The following ST6GALNAC2 variants were observed in gnomAD, a reference collection of about 807,000 sequenced individuals.
ST6GALNAC2 encodes the protein alpha-N-acetylgalactosaminide alpha-2,6-sialyltransferase 2.
ST6GALNAC2 carries 42 observed loss-of-function variants against 38.7 expected under a neutral mutation model. The ratio of observed to expected loss-of-function variants is 1.09; its 90% CI spans 0.85 to 1.40. The LOEUF (loss-of-function observed/expected upper bound fraction) is 1.40, where lower values mean the gene tolerates loss of function less well. Among genes scored for constraint, ST6GALNAC2 ranks in the 40% most tolerant of loss-of-function variants. ST6GALNAC2 has a pLI of 0.00. For missense variants in ST6GALNAC2, 506 were observed against 481.7 expected, an observed-to-expected ratio of 1.05 and a Z score of -0.47; for synonymous variants, 233 against 209.0, an observed-to-expected ratio of 1.11 and a Z score of -0.99.
chr17:76,567,500 T>C lies in ST6GALNAC2; in HGVS notation c.910A>G (p.Ser304Gly), dbSNP rs2075299325. Residue 304 changes from serine (S) to glycine (G), a missense_variant, in exon 8 of 9, where the codon AGT becomes GGT. Transcript: ENST00000225276. ...NTHFGDLYMP[S>G]TGALMLLTAL... ...GTCAGCAGCATGAGAGCCCCGGTAC[T>C]AGGCATATATAGGTCTCCAAAATGT... 6.2e-7 allele frequency: 1 copy of C among 1,613,882 alleles called. No individual in the cohort carries two copies. Among genetic ancestry groups the C allele is most frequent in the African/African-American group, 1.3e-5 (1 of 74,920 alleles).
intron 8 of ST6GALNAC2, 91 bp downstream of exon 8, chr17:76,567,362 A>G: frequency 1.1e-6 from 1 of 916,256 alleles, no homozygotes; most frequent in South Asian, 1.4e-5. Flanking sequence ...CAAGAGTCCC[A>G]GCTCCGAGGT....
At chr17:76,568,404 T>C (rs923678467) in intron 7 of ST6GALNAC2, 20 of 409,666 alleles carry the variant, frequency 4.9e-5, no homozygotes, top group Admixed American at 2.8e-4. Context: ...GCCCTGCTGC[T>C]GACGGCGCCA....
intron 1 of ST6GALNAC2, among the ~76,000 whole-genome samples, chr17:76,581,723 C>T (rs1482643803): frequency 6.6e-6 from 1 of 152,162 alleles, no homozygotes; most frequent in Non-Finnish European, 1.5e-5. Flanking sequence ...GTGCCTGGGA[C>T]ACCTGGGAGG....
At position 76,573,283 on chromosome 17, in the gene ST6GALNAC2, A is replaced by C; in HGVS notation, c.442T>G (p.Cys148Gly). The change falls in exon 4 of 9, where the codon TGT becomes GGT. Residue 148 changes from cysteine to glycine, a missense_variant. Cys to Gly is a radical substitution (Grantham distance 159, BLOSUM62 -3). Coordinates refer to ENST00000225276, the MANE Select transcript of ST6GALNAC2 (RefSeq NM_006456.3). The surrounding 1 kb of genome is among the most constrained non-coding windows in gnomAD (Gnocchi z 5.1). ...FAPPRDTPPKCIRCAVVGNGG... is the reference protein window; with the variant it reads ...FAPPRDTPPKGIRCAVVGNGG... Reference sequence around the variant, plus strand: ...TTGCCCACCACGGCACACCGGATACACTTTGGAGGGGTGTCCCTGGGCGGG... The same window carrying C: ...TTGCCCACCACGGCACACCGGATACCCTTTGGAGGGGTGTCCCTGGGCGGG... 1 of 1,609,494 alleles carries C rather than the reference A, an allele frequency of 6.2e-7. No homozygotes were observed. Among genetic ancestry groups the C allele is most frequent in the Non-Finnish European group, 8.5e-7 (1 of 1,177,958 alleles).
At chr17:76,582,974 T>A (rs562422954) in intron 1 of ST6GALNAC2, among the ~76,000 whole-genome samples, 4 of 152,314 alleles carry the variant, frequency 2.6e-5, no homozygotes, top group East Asian at 3.9e-4. Flanking sequence ...AGAGGAAAGA[T>A]CTTTTTTTTA....
intron 1 of ST6GALNAC2, among the ~76,000 whole-genome samples, chr17:76,585,069 G>A (rs1358688964): frequency 1.3e-5 from 2 of 152,224 alleles, no homozygotes; most frequent in Non-Finnish European, 2.9e-5. Context: ...AGGAGAACGC[G>A]GATGGAGCCA....
chr17:76,585,788 C>A lies in ST6GALNAC2; in HGVS notation c.21G>T (p.Ser7=). 1.9e-6 allele frequency: 3 copies of A among 1,553,044 alleles called. No individual in the cohort carries two copies. Among genetic ancestry groups the A allele is most frequent in the Non-Finnish European group, 2.6e-6 (3 of 1,151,602 alleles). Residue 7 remains serine (S), a synonymous_variant, in exon 1 of 9, where the codon TCG becomes TCT. Transcript: ENST00000225276. MGLPRG[S]FFWLLLLLTA... ...TGAGCAGGAGCAGCAGCCAGAAGAA[C>A]GACCCGCGCGGGAGCCCCATACAGC... is the stretch of plus-strand genomic sequence containing the variant.
rs372160548 is a variant in ST6GALNAC2 at position 76,585,701 on chromosome 17, C to T, written c.108G>A (p.Gly36=). The part of the protein sequence containing the change: ...LYFSAVQRYP[G]PAAGARDTTS... Reference sequence around the variant, plus strand: ...GCCCCTACCTGGCTCCGGCCGCTGGCCCCGGGTACCGCTGCACCGCCGAGA... The same window carrying T: ...GCCCCTACCTGGCTCCGGCCGCTGGTCCCGGGTACCGCTGCACCGCCGAGA... Residue 36 remains glycine, a synonymous_variant, in exon 1 of 9, where the codon GGG becomes GGA. Transcript: ENST00000225276. The T allele has an allele frequency of 3.2e-5, 49 of 1,528,668 alleles. No individual in the cohort carries two copies. Among genetic ancestry groups the T allele is most frequent in the Non-Finnish European group, 4.1e-5 (47 of 1,141,694 alleles). The allele number at this position is 1,528,668 out of a possible 1,614,324, so 94.7% of individuals were successfully genotyped here.
intron 1 of ST6GALNAC2, among the ~76,000 whole-genome samples, chr17:76,584,481 A>G (rs1042106649): frequency 5.3e-5 from 8 of 152,130 alleles, no homozygotes; most frequent in Non-Finnish European, 1.2e-4. Context: ...AAAAGTGACA[A>G]GGATTCCTTT....
Position 76,565,610 on chromosome 17 carries a change from C to G in ST6GALNAC2, c.*494G>C, listed in dbSNP as rs943912117. The stretch of plus-strand genomic sequence containing the variant: ...AATGGTCCATCATGTACGCAGTTAT[C>G]TAGTCTTAAGTTATATTCTGGCTTT... On this transcript the variant is annotated 3_prime_UTR_variant, in exon 9 of 9. Transcript: ENST00000225276. 1 of 152,800 alleles carries G rather than the reference C, an allele frequency of 6.5e-6. No individual in the cohort carries two copies. The highest frequency in any genetic ancestry group is 2.4e-5 in the African/African-American group (1 of 41,266). 9.5% of individuals were successfully genotyped at this position (152,800 alleles called of 1,614,324 possible).
intron 1 of ST6GALNAC2, among the ~76,000 whole-genome samples, chr17:76,585,295 C>T (rs1031803352): frequency 2.0e-5 from 3 of 152,366 alleles, no homozygotes; most frequent in African/African-American, 2.4e-5. Context: ...AAAGCAGAAT[C>T]TGACGTTACC....
rs1347110678 is a variant in ST6GALNAC2, at chr17:76,570,607, A to C, written c.731T>G (p.Ile244Ser). Residue 244 changes from isoleucine to serine, a missense_variant, in exon 6 of 9, where the codon ATT (isoleucine) becomes AGT (serine). By Grantham distance (142) the Ile-to-Ser change is moderately radical. Transcript: ENST00000225276. Reference protein sequence around the residue: ...IRDYVMLRSAILGVPVPEGLD... With the variant: ...IRDYVMLRSASLGVPVPEGLD... ...GCCCTCAGGGACAGGCACGCCCAGA[A>C]TGGCCGATCTCAGCATCACATAGTC... is the stretch of plus-strand genomic sequence containing the variant. 2 of 1,613,232 alleles carry C rather than the reference A, an allele frequency of 1.2e-6. No homozygotes were observed. The highest frequency in any genetic ancestry group is 3.3e-5 in the Admixed American group (2 of 59,934).
intron 1 of ST6GALNAC2, among the ~76,000 whole-genome samples, chr17:76,583,845 G>C (rs111893519): frequency 2.1e-5 from 3 of 141,964 alleles, no homozygotes; most frequent in Admixed American, 7.5e-5. Context: ...GTCTCGCTCT[G>C]TCACCAGGCT....
chr17:76,583,901 A>G (rs113014593), intron 1 of ST6GALNAC2, among the ~76,000 whole-genome samples: 8,246 of 145,746 alleles, frequency 0.057, 545 homozygotes, highest in African/African-American at 0.16. Context: ...TCCACCTCCC[A>G]GGTTCACGCC....
intron 2 of ST6GALNAC2, among the ~76,000 whole-genome samples, chr17:76,577,060 T>C (rs1000392070): frequency 1.3e-4 from 3 of 22,776 alleles, no homozygotes; most frequent in African/African-American, 1.5e-4. Flanking sequence ...AATTCTTTTT[T>C]TTCTTTTTTT....
Position 76,566,091 on chromosome 17 carries a change from C to G in ST6GALNAC2, c.*13G>C. The G allele has an allele frequency of 1.2e-6, 2 of 1,607,856 alleles. No individual in the cohort carries two copies. The highest frequency in any genetic ancestry group is 1.7e-6 in the Non-Finnish European group (2 of 1,176,940). Reference sequence around the variant, plus strand: ...GCAACTCTTGAAGAAGCAAAGGGCTCAGTGCATTGGGGTCAGCGCTGGTAC... The same window carrying G: ...GCAACTCTTGAAGAAGCAAAGGGCTGAGTGCATTGGGGTCAGCGCTGGTAC... On this transcript the variant is annotated 3_prime_UTR_variant, in exon 9 of 9. Coordinates refer to ENST00000225276, the MANE Select transcript of ST6GALNAC2 (RefSeq NM_006456.3).
In ST6GALNAC2 at chr17:76,585,766, G is replaced by A. The variant is rs2143329544; in HGVS notation, c.43C>T (p.Leu15Phe). Residue 15 changes from leucine (L) to phenylalanine (F), a missense_variant, in exon 1 of 9, where the codon CTC (leucine) becomes TTC (phenylalanine). Leu to Phe is a conservative substitution (Grantham distance 22, BLOSUM62 0). Transcript: ENST00000225276. Reference protein sequence around the residue: ...RGSFFWLLLLLTAACSGLLFA... With the variant: ...RGSFFWLLLLFTAACSGLLFA... ...AGGAGCCCCGAGCAGGCAGCCGTGA[G>A]CAGGAGCAGCAGCCAGAAGAACGAC... 6.4e-7 allele frequency: 1 copy of A among 1,554,150 alleles called. No homozygotes were observed. The highest frequency in any genetic ancestry group is 1.2e-5 in the South Asian group (1 of 84,470).
intron 1 of ST6GALNAC2, 28 bp from the exon 2 acceptor site, chr17:76,578,844 G>T (rs757758972): frequency 1.9e-6 from 3 of 1,608,894 alleles, no homozygotes; most frequent in African/African-American, 2.7e-5. Flanking sequence ...AAAAAGCAGG[G>T]GTCAGCAGCT....
intron 1 of ST6GALNAC2, among the ~76,000 whole-genome samples, chr17:76,585,339 A>C (rs532735762): frequency 2.0e-5 from 3 of 152,254 alleles, no homozygotes; most frequent in African/African-American, 7.2e-5. Context: ...GGAAGTTTTT[A>C]TCTGCTTCGG....
Sources: allele counts gnomAD v4.1 joint callset (sites outside exome capture counted in the v4.1 genomes callset), GRCh38; gene constraint gnomAD v4.1.1; non-coding constraint Gnocchi (gnomAD v3.1); transcripts MANE v1.5; gene names NCBI Gene and HGNC (gene_info 2026-07-23, HGNC 2026-07-21).